CFDP1: variants seen among roughly 807,000 people sequenced by gnomAD.
The protein encoded by CFDP1 is heterochromatin-stabilizing protein CFDP1.
In CFDP1, 31 loss-of-function variants were observed where a neutral mutation model predicts 40.1. The observed-to-expected ratio is 0.77, with a 90% CI of 0.58 to 1.04. The LOEUF is 1.04. Among genes scored for constraint, CFDP1 ranks in the 50% least tolerant of loss-of-function variants. The pLI is 0.00. For missense variants in CFDP1, 423 were observed against 343.4 expected (o/e 1.23, Z -1.83); for synonymous variants, 167 against 120.0 (o/e 1.39, Z -2.56).
intron 5 of CFDP1, among the ~76,000 whole-genome samples, chr16:75,307,599 C>A (rs1301125617): frequency 6.6e-6 from 1 of 152,152 alleles, no homozygotes; most frequent in Non-Finnish European, 1.5e-5. Flanking sequence ...CACTCTGTTA[C>A]CCAGGCTAGA....
intron 4 of CFDP1, among the ~76,000 whole-genome samples, chr16:75,399,195 A>T (rs746682188): frequency 6.6e-6 from 1 of 152,198 alleles, no homozygotes; most frequent in Non-Finnish European, 1.5e-5. Context: ...GAGAAATTAT[A>T]ATAAAACAAT....
At position 75,297,146 on chromosome 16, in the gene CFDP1, T is replaced by TTGTG. The variant is rs71158596; in HGVS notation, c.810-3108_810-3105dup. Among the ~76,000 whole-genome samples the TTGTG allele has an allele frequency of 7.9e-4, 105 of 133,084 alleles. No individual in the cohort carries two copies. In the Middle Eastern group the frequency reaches 0.016, roughly 20 times the overall value. The allele number at this position is 133,084 out of a possible 152,430, so 87.3% of individuals were successfully genotyped here. A position where few individuals can be genotyped will look rare whatever the true frequency, so the allele number is the denominator to read the frequency against. On this transcript the variant is annotated intron_variant, in intron 6 of 6. Coordinates refer to ENST00000283882, the MANE Select transcript of CFDP1 (RefSeq NM_006324.3). ...GCTTGGGGTTCTTGCTTCCCATTTC[T>TTGTG]TGTGTGTGTGTGTGTGTGTCTGTGT...
intron 1 of CFDP1, among the ~76,000 whole-genome samples, chr16:75,427,601 C>A (rs1467534175): frequency 1.3e-5 from 2 of 152,104 alleles, no homozygotes; most frequent in Non-Finnish European, 2.9e-5. Flanking sequence ...AATCTGACCA[C>A]CCCAAGTGTT....
chr16:75,329,859 A>C (rs777444745), intron 5 of CFDP1, among the ~76,000 whole-genome samples: 1 of 152,228 alleles, frequency 6.6e-6, no homozygotes, highest in Non-Finnish European at 1.5e-5. Context: ...GATGCTAGGG[A>C]TACAGAAGAG....
chr16:75,361,764 A>T (rs2078681026), intron 5 of CFDP1, among the ~76,000 whole-genome samples: 1 of 152,236 alleles, frequency 6.6e-6, no homozygotes. Flanking sequence ...ACACTGTAGA[A>T]AACAACTCTG....
intron 5 of CFDP1, among the ~76,000 whole-genome samples, chr16:75,364,731 A>G (rs2078702342): frequency 6.6e-6 from 1 of 152,252 alleles, no homozygotes; most frequent in African/African-American, 2.4e-5. Flanking sequence ...TTAACATGTA[A>G]TGAGTTTACC....
chr16:75,389,834 C>T (rs1489658940), intron 5 of CFDP1, among the ~76,000 whole-genome samples: 1 of 152,156 alleles, frequency 6.6e-6, no homozygotes, highest in African/African-American at 2.4e-5. Flanking sequence ...TCAGATACCC[C>T]AGATCAGCTG....
intron 5 of CFDP1, among the ~76,000 whole-genome samples, chr16:75,356,394 T>C (rs1431466436): frequency 1.3e-5 from 2 of 152,190 alleles, no homozygotes; most frequent in Non-Finnish European, 2.9e-5. Context: ...ACACTGTCAA[T>C]GAGCAGTAAC....
intron 5 of CFDP1, among the ~76,000 whole-genome samples, chr16:75,342,545 C>T (rs2078534016): frequency 6.6e-6 from 1 of 152,196 alleles, no homozygotes; most frequent in Non-Finnish European, 1.5e-5. Context: ...TCACTTCCCA[C>T]CCCTAATGGT....
intron 5 of CFDP1, among the ~76,000 whole-genome samples, chr16:75,345,987 G>A (rs985551171): frequency 2.6e-5 from 4 of 152,180 alleles, no homozygotes; most frequent in Non-Finnish European, 4.4e-5. Flanking sequence ...CTCTACTCAA[G>A]AAGAAATCTG....
Position 75,433,482 on chromosome 16 carries a change from G to C in CFDP1, c.-130C>G, listed in dbSNP as rs1045992460. 45 of 792,688 alleles carry C rather than the reference G, an allele frequency of 5.7e-5. No homozygotes were observed. The highest frequency in any genetic ancestry group is 7.1e-5 in the Non-Finnish European group (34 of 481,970). The allele number at this position is 792,688 out of a possible 1,614,324, so 49.1% of individuals were successfully genotyped here. ...CTAGGGCGGCCCCCGACAGCGCTTT[G>C]CACATGCGCAGAGAGTACTACGTGG... On this transcript the variant is annotated 5_prime_UTR_variant, in exon 1 of 7. Transcript: ENST00000283882.
intron 5 of CFDP1, among the ~76,000 whole-genome samples, chr16:75,318,562 T>C (rs919215025): frequency 5.5e-4 from 83 of 152,146 alleles, no homozygotes; most frequent in Middle Eastern, 3.4e-3. Flanking sequence ...CATGCTGCCA[T>C]GCCTAGCTAA....
chr16:75,423,047 G>C (rs1041362493), intron 1 of CFDP1, among the ~76,000 whole-genome samples: 1 of 152,072 alleles, frequency 6.6e-6, no homozygotes, highest in South Asian at 2.1e-4. Flanking sequence ...TTGGGAGGCC[G>C]AGGTGGGCGG....
intron 1 of CFDP1, among the ~76,000 whole-genome samples, chr16:75,426,038 A>C (rs1597408445): frequency 1.6e-4 from 3 of 19,146 alleles, no homozygotes; most frequent in African/African-American, 3.7e-4. Context: ...TCTGTCTCAA[A>C]AAAAAAAAAA....
In CFDP1 at chr16:75,395,147, T is replaced by G. The variant is rs773241160; in HGVS notation, c.593A>C (p.Lys198Thr). Residue 198 changes from lysine (K) to threonine (T), a missense_variant, in exon 5 of 7, where the codon AAA (lysine) becomes ACA (threonine). Physicochemically the swap from Lys to Thr is moderately conservative, Grantham distance 78 (BLOSUM62 -1). Transcript: ENST00000283882. Reference sequence around the variant, plus strand: ...AGGAACATTAGCCTGTGGTTTTTCTTTCTCATTCTGCTTGAAGAAGGATTT... The same window carrying G: ...AGGAACATTAGCCTGTGGTTTTTCTGTCTCATTCTGCTTGAAGAAGGATTT... Reference protein sequence around the residue: ...EAKSFFKQNEKEKPQANVPSA... With the variant: ...EAKSFFKQNETEKPQANVPSA... 4 of 1,613,818 alleles carry G rather than the reference T, an allele frequency of 2.5e-6. No homozygotes were observed. The East Asian group carries it at 8.9e-5, about 36-fold the overall frequency.
At chr16:75,359,692 C>A (rs1240289455) in intron 5 of CFDP1, among the ~76,000 whole-genome samples, 1 of 152,154 alleles carries the variant, frequency 6.6e-6, no homozygotes, top group Admixed American at 6.6e-5. Context: ...CTATCAGATT[C>A]TATTTTCCAG....
intron 1 of CFDP1, among the ~76,000 whole-genome samples, chr16:75,421,865 A>G (rs556243369): frequency 6.6e-6 from 1 of 152,296 alleles, no homozygotes; most frequent in East Asian, 1.9e-4. Flanking sequence ...ACCCCACACC[A>G]AAACCCACAG....
In CFDP1 at chr16:75,405,404, A is replaced by C. The variant is rs555997836; in HGVS notation, c.530+6421T>G. On this transcript the variant is annotated intron_variant, in intron 4 of 6. Coordinates refer to ENST00000283882, the MANE Select transcript of CFDP1 (RefSeq NM_006324.3). The stretch of plus-strand genomic sequence containing the variant: ...ACACTTTGGGAGGCCAAGCAGGCAG[A>C]TGCTTGAGCCCAGGAGTTTGACACC... Among the ~76,000 whole-genome samples the C allele has an allele frequency of 1.3e-4, 20 of 152,040 alleles. No homozygotes were observed. In the South Asian group the frequency reaches 4.2e-3, roughly 32 times the overall value.
chr16:75,382,027 G>A (rs574560146), intron 5 of CFDP1, among the ~76,000 whole-genome samples: 1 of 151,686 alleles, frequency 6.6e-6, no homozygotes, highest in African/African-American at 2.4e-5. Flanking sequence ...GAGGTGGGAA[G>A]ATCACTTGAG....
Sources: gnomAD v4.1 joint callset for allele counts (sites outside exome capture counted in the v4.1 genomes callset) on GRCh38, gnomAD v4.1.1 for gene constraint, MANE v1.5 for transcripts, NCBI Gene and HGNC (gene_info 2026-07-23, HGNC 2026-07-21) for gene names.